Variants in QTGAL observed in about 807,000 individuals in gnomAD.
QTGAL encodes the protein BGnT-like protein 1.
the QTGAL span, chr17:83,005,696 C>A: frequency 4.3e-6 from 3 of 703,814 alleles, no homozygotes; most frequent in Non-Finnish European, 7.7e-6. The surrounding 1 kb of genome is among the most constrained non-coding windows in gnomAD (Gnocchi z 5.6). Flanking sequence ...GCCTTGCTAC[C>A]AGCTGGCTTC....
chr17:82,990,835 GAC>G, the QTGAL span, among the ~76,000 whole-genome samples: 2 of 151,998 alleles, frequency 1.3e-5, no homozygotes, highest in African/African-American at 4.8e-5. Flanking sequence ...TATAATAAGA[GAC>G]ACCACAGAGC....
chr17:82,951,444 G>A, the QTGAL span, among the ~76,000 whole-genome samples: 1 of 152,222 alleles, frequency 6.6e-6, no homozygotes, highest in South Asian at 2.1e-4. Context: ...ACCTCGCTCT[G>A]TATTAGGCTT....
chr17:82,961,511 A>G, the QTGAL span, among the ~76,000 whole-genome samples: 87,019 of 152,066 alleles, frequency 0.57, 25,202 homozygotes, highest in Admixed American at 0.64. Context: ...TCAGGGTCTC[A>G]CAGCCACGGC....
chr17:82,960,071 C>T, the QTGAL span, among the ~76,000 whole-genome samples: 22 of 152,320 alleles, frequency 1.4e-4, no homozygotes, highest in African/African-American at 4.3e-4. Flanking sequence ...GTCAGGGACA[C>T]GTCACCGCAT....
At chr17:82,970,561 G>A in the QTGAL span, among the ~76,000 whole-genome samples, 1 of 131,586 alleles carries the variant, frequency 7.6e-6, no homozygotes, top group East Asian at 2.3e-4. Context: ...GCGTGGCCGC[G>A]ACCTCCGCAC....
At chr17:83,005,124 G>GAGC in the QTGAL span, 1 of 1,607,158 alleles carries the variant, frequency 6.2e-7, no homozygotes, top group East Asian at 2.2e-5. This position sits in a 1 kb window ranked among gnomAD's most constrained non-coding sequence, Gnocchi z 5.6. Flanking sequence ...CCTGGGTTAG[G>GAGC]AGCTGCTCCG....
chr17:83,026,702 C>A, the QTGAL span, among the ~76,000 whole-genome samples: 181 of 128,388 alleles, frequency 1.4e-3, no homozygotes, highest in African/African-American at 4.2e-3. Context: ...CAAACCCACC[C>A]TCGACAGACA....
chr17:82,965,695 G>T, the QTGAL span: 54 of 1,612,254 alleles, frequency 3.3e-5, no homozygotes, highest in Middle Eastern at 1.6e-4. Context: ...AACCACGCTC[G>T]CGAGCAGAAC....
the QTGAL span, among the ~76,000 whole-genome samples, chr17:82,956,986 G>GGTAATCGTCAACATCTGGCA: frequency 1.3e-5 from 2 of 152,226 alleles, no homozygotes; most frequent in African/African-American, 4.8e-5. This position sits in a 1 kb window ranked among gnomAD's most constrained non-coding sequence, Gnocchi z 5.7. Context: ...TGACCAGGGT[G>GGTAATCGTCAACATCTGGCA]GGCTACCCCA....
At chr17:83,042,894 C>T in the QTGAL span, among the ~76,000 whole-genome samples, 45 of 152,238 alleles carry the variant, frequency 3.0e-4, 1 homozygote, top group South Asian at 2.7e-3. Flanking sequence ...AGAGTGCTGG[C>T]GTGGCTGTAC....
the QTGAL span, among the ~76,000 whole-genome samples, chr17:82,970,960 G>A: frequency 1.1e-4 from 16 of 152,184 alleles, no homozygotes; most frequent in Non-Finnish European, 2.1e-4. Context: ...CATGTGGCAA[G>A]GGAGGACGCA....
At chr17:83,045,075 T>C in the QTGAL span, among the ~76,000 whole-genome samples, 2 of 152,234 alleles carry the variant, frequency 1.3e-5, no homozygotes, top group African/African-American at 4.8e-5. Context: ...GCTAATAAAC[T>C]ATTAGAGCTA....
chr17:83,004,968 G>C, the QTGAL span: 1 of 617,508 alleles, frequency 1.6e-6, no homozygotes, highest in Non-Finnish European at 2.7e-6. Context: ...CTTCCACTCT[G>C]TGCGATTGAT....
At chr17:82,962,549 TCACA>T in the QTGAL span, among the ~76,000 whole-genome samples, 459 of 131,614 alleles carry the variant, frequency 3.5e-3, no homozygotes, top group South Asian at 6.2e-3. Context: ...ACACGGACCC[TCACA>T]CGGGTGATTT....
At chr17:82,982,640 G>A in the QTGAL span, among the ~76,000 whole-genome samples, 6 of 152,122 alleles carry the variant, frequency 3.9e-5, no homozygotes, top group African/African-American at 1.4e-4. Context: ...CTTCCAAAAC[G>A]GTGGAAACAG....
chr17:83,002,572 C>T, the QTGAL span, among the ~76,000 whole-genome samples: 4 of 152,188 alleles, frequency 2.6e-5, no homozygotes, highest in Non-Finnish European at 5.9e-5. Context: ...ATGGTCTCTG[C>T]CTCCCCCAGG....
chr17:83,005,672 C>G, the QTGAL span: 1 of 704,558 alleles, frequency 1.4e-6, no homozygotes, highest in Non-Finnish European at 2.6e-6. This position sits in a 1 kb window ranked among gnomAD's most constrained non-coding sequence, Gnocchi z 5.6. Context: ...AGCAGCGTCC[C>G]TAAGTGGAGA....
chr17:82,974,977 T>C, the QTGAL span, among the ~76,000 whole-genome samples: 2 of 79,140 alleles, frequency 2.5e-5, no homozygotes, highest in African/African-American at 1.7e-4. Context: ...CTATGGAGAG[T>C]CAGGGCCCCG....
the QTGAL span, among the ~76,000 whole-genome samples, chr17:83,043,091 A>G: frequency 6.6e-6 from 1 of 152,152 alleles, no homozygotes. Context: ...CGGAGATTCA[A>G]CATTCTACCT....
Sources: allele counts gnomAD v4.1 joint callset (sites outside exome capture counted in the v4.1 genomes callset), GRCh38; gene constraint gnomAD v4.1.1; non-coding constraint Gnocchi (gnomAD v3.1); transcripts MANE v1.5; gene names NCBI Gene and HGNC (gene_info 2026-07-23, HGNC 2026-07-21).